ANKRD16: variants seen among roughly 807,000 people sequenced by gnomAD.
The protein encoded by ANKRD16 is ankyrin repeat domain-containing protein 16.
A neutral mutation model predicts 37.9 loss-of-function variants in ANKRD16; 35 were observed. The observed-to-expected ratio is 0.92, with a 90% CI of 0.71 to 1.23. The LOEUF is 1.23. Among genes scored for constraint, ANKRD16 ranks in the 50% most tolerant of loss-of-function variants. The pLI is 0.00. For synonymous variants in ANKRD16, 206 were observed against 197.2 expected (o/e 1.04, Z -0.37); for missense variants, 480 against 469.9 (o/e 1.02, Z -0.20).
intron 7 of ANKRD16, among the ~76,000 whole-genome samples, chr10:5,872,589 C>T (rs1842109230): frequency 6.6e-6 from 1 of 152,146 alleles, no homozygotes; most frequent in Non-Finnish European, 1.5e-5. Context: ...TGGAATCTCA[C>T]TCTGTTGCCC....
At position 5,863,256 on chromosome 10, in the gene ANKRD16, G is replaced by C. The variant is rs982149688; in HGVS notation, c.*34-565C>G. Among the ~76,000 whole-genome samples the C allele has an allele frequency of 1.3e-5, 2 of 151,958 alleles. No homozygotes were observed. Among genetic ancestry groups the C allele is most frequent in the African/African-American group, 4.8e-5 (2 of 41,348 alleles). ...GCCAGAAGAATCAGTCCTCCAGATG[G>C]GTGGGCAGCACTGGGCCTGAGGTGA... On this transcript the variant is annotated intron_variant, in intron 7 of 7. Transcript: ENST00000380094. This position sits in a 1 kb window ranked among gnomAD's most constrained non-coding sequence, Gnocchi z 4.7.
At chr10:5,873,796 G>A (rs1168447540) in intron 7 of ANKRD16, among the ~76,000 whole-genome samples, 2 of 151,872 alleles carry the variant, frequency 1.3e-5, no homozygotes, top group Non-Finnish European at 2.9e-5. Flanking sequence ...CTCTTGTCTT[G>A]TGTATTTTCT....
Position 5,882,990 on chromosome 10 carries a change from A to G in ANKRD16, c.849+16T>C, listed in dbSNP as rs779841137. The G allele has an allele frequency of 1.2e-5, 20 of 1,611,206 alleles. No homozygotes were observed. In the South Asian group the frequency reaches 2.0e-4, roughly 16 times the overall value. ...GCCTCAGGGAAGCTCGGACAACGTT[A>G]TAAGAAGTAACAAACCTTAGCTGCA... On this transcript the variant is annotated intron_variant, in intron 5 of 7. Transcript: ENST00000380094.
rs888124276 is a variant in ANKRD16 at position 5,874,292 on chromosome 10, G to A, written c.*33+3805C>T. Among the ~76,000 whole-genome samples the A allele has an allele frequency of 7.2e-5, 11 of 152,238 alleles. No homozygotes were observed. The highest frequency in any genetic ancestry group is 1.5e-5 in the Non-Finnish European group (1 of 68,042). ...CTGGTGGAAGTGGGTGTTAGTTAAGGCAATCAGAAATCCTGGCAAGTGTAG... is the reference window on the plus strand; with the variant it reads ...CTGGTGGAAGTGGGTGTTAGTTAAGACAATCAGAAATCCTGGCAAGTGTAG... On this transcript the variant is annotated intron_variant, in intron 7 of 7. Coordinates refer to ENST00000380094, the MANE Select transcript of ANKRD16 (RefSeq NM_019046.3). The surrounding 1 kb of genome is among the most constrained non-coding windows in gnomAD (Gnocchi z 4.7).
chr10:5,883,042 T>A lies in ANKRD16; in HGVS notation c.813A>T (p.Thr271=), dbSNP rs1455470606. 1 of 1,614,048 alleles carries A rather than the reference T, an allele frequency of 6.2e-7. No homozygotes were observed. The highest frequency in any genetic ancestry group is 8.5e-7 in the Non-Finnish European group (1 of 1,180,040). Residue 271 remains threonine, a synonymous_variant, in exon 5 of 8, where the codon ACA becomes ACT. Coordinates refer to ENST00000380094, the MANE Select transcript of ANKRD16 (RefSeq NM_019046.3). ...AATGAAGTGCTGTGAGGTGGGTTGA[T>A]GTGGCTCTCACATCTACATCGACGC... ...ELGVDVDVRA[T]STHLTALHYA... is the part of the protein sequence containing the mutation.
Position 5,883,080 on chromosome 10 carries a change from C to T in ANKRD16, c.775G>A (p.Val259Ile), listed in dbSNP as rs1344961992. The T allele has an allele frequency of 6.2e-7, 1 of 1,614,130 alleles. No homozygotes were observed. ...TCTACATCGACGCCAAGTTCAGAGA[C>T]CAAGAATCGGATGGCTTCGTCCTGC... ...TGQDEAIRFL[V>I]SELGVDVDVR... Residue 259 changes from valine (V) to isoleucine (I), a missense_variant, in exon 5 of 8, where the codon GTC becomes ATC. By Grantham distance (29) the Val-to-Ile change is conservative. Coordinates refer to ENST00000380094, the MANE Select transcript of ANKRD16 (RefSeq NM_019046.3).
In ANKRD16 at chr10:5,866,554, T is replaced by C. The variant is rs1022292312; in HGVS notation, c.*34-3863A>G. Among the ~76,000 whole-genome samples, 1 of 152,216 alleles carries C rather than the reference T, an allele frequency of 6.6e-6. No homozygotes were observed. The highest frequency in any genetic ancestry group is 1.5e-5 in the Non-Finnish European group (1 of 68,040). ...GCAAGTATGCTTATCTAATCCTACA[T>C]GCCCATGCTGCAATATGGAAAGAAA... is the stretch of plus-strand genomic sequence containing the variant. On this transcript the variant is annotated intron_variant, in intron 7 of 7. Transcript: ENST00000380094. The surrounding 1 kb of genome is among the most constrained non-coding windows in gnomAD (Gnocchi z 4.3).
intron 2 of ANKRD16, among the ~76,000 whole-genome samples, chr10:5,886,646 T>G (rs1201734977): frequency 6.6e-6 from 1 of 152,210 alleles, no homozygotes; most frequent in African/African-American, 2.4e-5. Context: ...TGATGATTTT[T>G]AGAGAAACTA....
At position 5,868,505 on chromosome 10, in the gene ANKRD16, T is replaced by C. The variant is rs1842045962; in HGVS notation, c.*34-5814A>G. 1.3e-5 allele frequency among the ~76,000 whole-genome samples: 2 copies of C among 152,088 alleles called. No individual in the cohort carries two copies. Among genetic ancestry groups the C allele is most frequent in the Admixed American group, 6.6e-5 (1 of 15,262 alleles). On this transcript the variant is annotated intron_variant, in intron 7 of 7. Transcript: ENST00000380094. This position sits in a 1 kb window ranked among gnomAD's most constrained non-coding sequence, Gnocchi z 4.9. ...TGTAAATGCACCAATCAGCACTCTA[T>C]AAAAATGCACCAATCAGCGCTCTGT... is the stretch of plus-strand genomic sequence containing the variant.
rs759139542 is a variant in ANKRD16 at position 5,868,776 on chromosome 10, C to A, written c.*34-6085G>T. Among the ~76,000 whole-genome samples the A allele has an allele frequency of 6.6e-6, 1 of 152,172 alleles. No individual in the cohort carries two copies. Among genetic ancestry groups the A allele is most frequent in the Non-Finnish European group, 1.5e-5 (1 of 68,032 alleles). On this transcript the variant is annotated intron_variant, in intron 7 of 7. Transcript: ENST00000380094. The surrounding 1 kb of genome is among the most constrained non-coding windows in gnomAD (Gnocchi z 4.9). ...CTGTAACATTCACTGCGAGGGTCTG[C>A]GGCTTCATTCCTTAAGTCAGCAAGA...
chr10:5,868,281 A>G lies in ANKRD16; in HGVS notation c.*34-5590T>C, dbSNP rs554341758. 4.6e-5 allele frequency among the ~76,000 whole-genome samples: 7 copies of G among 152,300 alleles called. No homozygotes were observed. The highest frequency in any genetic ancestry group is 2.0e-4 in the Admixed American group (3 of 15,294). Reference sequence around the variant, plus strand: ...ACTGCTGGCCCTTTGACTGGCCTAAAGAGTTCCCCTCTAGAGGACACTACA... The same window carrying G: ...ACTGCTGGCCCTTTGACTGGCCTAAGGAGTTCCCCTCTAGAGGACACTACA... On this transcript the variant is annotated intron_variant, in intron 7 of 7. Transcript: ENST00000380094. The surrounding 1 kb of genome is among the most constrained non-coding windows in gnomAD (Gnocchi z 4.9).
chr10:5,887,441 C>A (rs1224438392), intron 2 of ANKRD16, among the ~76,000 whole-genome samples: 1 of 147,838 alleles, frequency 6.8e-6, no homozygotes, highest in Non-Finnish European at 1.5e-5. Flanking sequence ...GTAGTGCAAT[C>A]TTGGCTTAGT....
intron 7 of ANKRD16, among the ~76,000 whole-genome samples, chr10:5,873,580 T>C (rs751479852): frequency 4.6e-5 from 7 of 152,196 alleles, no homozygotes; most frequent in Non-Finnish European, 7.3e-5. Context: ...TATTTTACAA[T>C]AGGCCTTACA....
At chr10:5,882,397 C>T (rs537519381) in intron 5 of ANKRD16, among the ~76,000 whole-genome samples, 61 of 151,718 alleles carry the variant, frequency 4.0e-4, no homozygotes, top group Non-Finnish European at 6.8e-4. Context: ...CAAAAATTAG[C>T]CAGGCATGGT....
chr10:5,876,942 C>T (rs1054886992), intron 7 of ANKRD16, among the ~76,000 whole-genome samples: 18 of 152,122 alleles, frequency 1.2e-4, no homozygotes, highest in Non-Finnish European at 1.5e-4. Flanking sequence ...ATCTTTACTC[C>T]GTTTAAGAGG....
chr10:5,883,616 C>T (rs565767726), intron 4 of ANKRD16, among the ~76,000 whole-genome samples: 1 of 152,274 alleles, frequency 6.6e-6, no homozygotes, highest in South Asian at 2.1e-4. Flanking sequence ...GCTCTCTAAT[C>T]AAAAAGATGG....
chr10:5,874,876 C>T lies in ANKRD16; in HGVS notation c.*33+3221G>A, dbSNP rs116186981. ...AGACAGAAGCTGGTACGCATGAGCA[C>T]GGAGGGCCAGCCTGACAGAGGAGTG... On this transcript the variant is annotated intron_variant, in intron 7 of 7. Coordinates refer to ENST00000380094, the MANE Select transcript of ANKRD16 (RefSeq NM_019046.3). This position sits in a 1 kb window ranked among gnomAD's most constrained non-coding sequence, Gnocchi z 4.7. Among the ~76,000 whole-genome samples, 425 of 152,062 alleles carry T rather than the reference C, an allele frequency of 2.8e-3. 2 individuals carry two copies. Among genetic ancestry groups the T allele is most frequent in the African/African-American group, 9.7e-3 (404 of 41,436 alleles).
rs1472119677 is a variant in ANKRD16, at chr10:5,868,765, G to C, written c.*34-6074C>G. ...ACCCTTAAGAGCTGTAACATTCACTGCGAGGGTCTGCGGCTTCATTCCTTA... is the reference window on the plus strand; with the variant it reads ...ACCCTTAAGAGCTGTAACATTCACTCCGAGGGTCTGCGGCTTCATTCCTTA... On this transcript the variant is annotated intron_variant, in intron 7 of 7. Coordinates refer to ENST00000380094, the MANE Select transcript of ANKRD16 (RefSeq NM_019046.3). This position sits in a 1 kb window ranked among gnomAD's most constrained non-coding sequence, Gnocchi z 4.9. 6.6e-6 allele frequency among the ~76,000 whole-genome samples: 1 copy of C among 152,178 alleles called. No homozygotes were observed. Among genetic ancestry groups the C allele is most frequent in the Admixed American group, 6.5e-5 (1 of 15,282 alleles).
chr10:5,876,552 T>A (rs1182569479), intron 7 of ANKRD16, among the ~76,000 whole-genome samples: 1 of 152,228 alleles, frequency 6.6e-6, no homozygotes, highest in Non-Finnish European at 1.5e-5. Flanking sequence ...AAGTGGTAAC[T>A]ACATCTCAAA....
Sources: gnomAD v4.1 joint callset for allele counts (sites outside exome capture counted in the v4.1 genomes callset) on GRCh38, gnomAD v4.1.1 for gene constraint, Gnocchi (gnomAD v3.1) non-coding constraint, MANE v1.5 for transcripts, NCBI Gene and HGNC (gene_info 2026-07-23, HGNC 2026-07-21) for gene names.